XKR4: variants seen among roughly 807,000 people sequenced by gnomAD.
The protein encoded by XKR4 is XK related 4, also known as XK-related protein 4.
In XKR4, 12 loss-of-function variants were observed where a neutral mutation model predicts 53.9. That is an observed-to-expected ratio of 0.22 (90% CI 0.14 to 0.36). XKR4 has a LOEUF of 0.36. Ranked by LOEUF, XKR4 falls within the 10% of genes least tolerant of loss-of-function variation. The probability of loss-of-function intolerance (pLI) is 1.00; values close to 1 mark genes in which losing one functional copy is unlikely to be tolerated. For missense variants in XKR4, 799 were observed against 859.5 expected (o/e 0.93, Z 0.88); for synonymous variants, 354 against 362.4 (o/e 0.98, Z 0.26).
chr8:55,518,715 G>T (rs1806753947), intron 2 of XKR4, among the ~76,000 whole-genome samples: 1 of 152,168 alleles, frequency 6.6e-6, no homozygotes, highest in African/African-American at 2.4e-5. Context: ...GTCCAGATGG[G>T]CATTTGCTGT....
At chr8:55,149,419 C>A (rs1816812958) in intron 1 of XKR4, among the ~76,000 whole-genome samples, 1 of 152,084 alleles carries the variant, frequency 6.6e-6, no homozygotes, top group South Asian at 2.1e-4. Flanking sequence ...GGAGATGATG[C>A]ATTTGAAAGG....
intron 1 of XKR4, among the ~76,000 whole-genome samples, chr8:55,195,766 TACAA>T (rs966980749): frequency 1.3e-5 from 2 of 152,220 alleles, no homozygotes; most frequent in Admixed American, 1.3e-4. Flanking sequence ...GTTTTGCATA[TACAA>T]ACAAATATTT....
At chr8:55,299,136 C>G (rs879507796) in intron 1 of XKR4, among the ~76,000 whole-genome samples, 1 of 152,110 alleles carries the variant, frequency 6.6e-6, no homozygotes, top group African/African-American at 2.4e-5. Flanking sequence ...GTTTATTTCT[C>G]TTTCATTACA....
chr8:55,127,931 T>G (rs1447092170), intron 1 of XKR4, among the ~76,000 whole-genome samples: 1 of 152,150 alleles, frequency 6.6e-6, no homozygotes, highest in African/African-American at 2.4e-5. Flanking sequence ...TATGGCTGCA[T>G]AGTATTCCAT....
At chr8:55,144,307 G>A (rs1164571129) in intron 1 of XKR4, among the ~76,000 whole-genome samples, 1 of 151,852 alleles carries the variant, frequency 6.6e-6, no homozygotes, top group East Asian at 1.9e-4. Flanking sequence ...TGAAACCCAG[G>A]GATGTCTTGG....
intron 2 of XKR4, among the ~76,000 whole-genome samples, chr8:55,472,105 A>T (rs1267600711): frequency 6.6e-6 from 1 of 152,142 alleles, no homozygotes; most frequent in Non-Finnish European, 1.5e-5. Flanking sequence ...TTGAATTCCT[A>T]AGGGACATTC....
chr8:55,188,246 A>G (rs1279673118), intron 1 of XKR4, among the ~76,000 whole-genome samples: 1 of 152,230 alleles, frequency 6.6e-6, no homozygotes, highest in African/African-American at 2.4e-5. Flanking sequence ...CATGAGTAAT[A>G]GTCATGTTTA....
In XKR4 at chr8:55,327,018, G is replaced by A. The variant is rs983098077; in HGVS notation, c.807-30660G>A. Among the ~76,000 whole-genome samples the A allele has an allele frequency of 3.9e-5, 6 of 151,966 alleles. No individual in the cohort carries two copies. The South Asian group carries it at 6.2e-4, about 16-fold the overall frequency. On this transcript the variant is annotated intron_variant, in intron 1 of 2. Transcript: ENST00000327381. ...TCATCTTATTCGAGAAAAAGACCTC[G>A]GAGGCTGGTAGCCTCAAGAGCAGAA...
chr8:55,270,720 A>G (rs1304836275), intron 1 of XKR4, among the ~76,000 whole-genome samples: 1 of 152,226 alleles, frequency 6.6e-6, no homozygotes, highest in African/African-American at 2.4e-5. Flanking sequence ...TTCAGTGCTG[A>G]AGAGTATGAA....
intron 2 of XKR4, among the ~76,000 whole-genome samples, chr8:55,380,142 C>G (rs1369999526): frequency 6.6e-6 from 1 of 152,210 alleles, no homozygotes; most frequent in Non-Finnish European, 1.5e-5. Flanking sequence ...TGATGAGAGA[C>G]TGACTTGAGA....
intron 1 of XKR4, among the ~76,000 whole-genome samples, chr8:55,144,350 G>C (rs1226082131): frequency 1.3e-5 from 2 of 151,812 alleles, no homozygotes; most frequent in African/African-American, 4.8e-5. Flanking sequence ...GACAAAGTCT[G>C]TATGGAAAAC....
chr8:55,474,842 T>A (rs1250669749), intron 2 of XKR4, among the ~76,000 whole-genome samples: 1 of 152,114 alleles, frequency 6.6e-6, no homozygotes, highest in Admixed American at 6.5e-5. Flanking sequence ...AGGCACCACA[T>A]TATCAGAGTG....
At chr8:55,111,648 CAA>C (rs1256509527) in intron 1 of XKR4, among the ~76,000 whole-genome samples, 1 of 152,128 alleles carries the variant, frequency 6.6e-6, no homozygotes, top group Non-Finnish European at 1.5e-5. Context: ...GAAATGATGT[CAA>C]AAGTCTTCCG....
chr8:55,480,653 C>T (rs1175815347), intron 2 of XKR4, among the ~76,000 whole-genome samples: 1 of 151,740 alleles, frequency 6.6e-6, no homozygotes, highest in Non-Finnish European at 1.5e-5. Flanking sequence ...TTAGAAAACC[C>T]CATCGTCTCA....
At chr8:55,412,771 C>T (rs936469788) in intron 2 of XKR4, among the ~76,000 whole-genome samples, 1 of 152,220 alleles carries the variant, frequency 6.6e-6, no homozygotes. Context: ...CGTTTCTGTT[C>T]CCACCATGTG....
chr8:55,401,232 C>A (rs1804597373), intron 2 of XKR4, among the ~76,000 whole-genome samples: 1 of 152,180 alleles, frequency 6.6e-6, no homozygotes, highest in South Asian at 2.1e-4. Context: ...GCTGAGCTGG[C>A]ATTTGTTGTG....
At position 55,538,025 on chromosome 8, in the gene XKR4, C is replaced by T. The variant is rs574463552; in HGVS notation, c.*13798C>T. On this transcript the variant is annotated 3_prime_UTR_variant, in exon 3 of 3. Coordinates refer to ENST00000327381, the MANE Select transcript of XKR4 (RefSeq NM_052898.2). Reference sequence around the variant, plus strand: ...CGATAATCAATGGAATTTATGGTGTCGTAGAAAACCAAAAATCCATGTTGA... The same window carrying T: ...CGATAATCAATGGAATTTATGGTGTTGTAGAAAACCAAAAATCCATGTTGA... The T allele has an allele frequency of 2.5e-4, 38 of 152,218 alleles. No individual in the cohort carries two copies. The highest frequency in any genetic ancestry group is 1.5e-3 in the Admixed American group (23 of 15,298). 9.4% of individuals were successfully genotyped at this position (152,218 alleles called of 1,614,324 possible).
intron 1 of XKR4, among the ~76,000 whole-genome samples, chr8:55,348,530 A>G (rs1250129263): frequency 6.6e-6 from 1 of 152,204 alleles, no homozygotes; most frequent in Non-Finnish European, 1.5e-5. Context: ...TTTTCCAGGG[A>G]CTGGCTGTCA....
chr8:55,146,684 A>G (rs542111216), intron 1 of XKR4, among the ~76,000 whole-genome samples: 1 of 152,366 alleles, frequency 6.6e-6, no homozygotes, highest in Admixed American at 6.5e-5. Context: ...AGGGGCTTAA[A>G]ATAATTTTTT....
Sources: allele counts gnomAD v4.1 joint callset (sites outside exome capture counted in the v4.1 genomes callset), GRCh38; gene constraint gnomAD v4.1.1; transcripts MANE v1.5; gene names NCBI Gene and HGNC (gene_info 2026-07-23, HGNC 2026-07-21).